Variants in IDE observed in about 807,000 individuals in gnomAD.
IDE encodes insulin degrading enzyme, also known as insulin-degrading enzyme.
In IDE, 58 loss-of-function variants were observed where a neutral mutation model predicts 133.2. That is an observed-to-expected ratio of 0.44 (90% CI 0.35 to 0.54). The LOEUF (loss-of-function observed/expected upper bound fraction) is 0.54. IDE is among the 20% of genes least tolerant of loss of function. The probability of loss-of-function intolerance (pLI) is 0.00; values close to 1 mark genes in which losing one functional copy is unlikely to be tolerated. For synonymous variants in IDE, 396 were observed against 421.3 expected (o/e 0.94, Z 0.73); for missense variants, 981 against 1,234.0 (o/e 0.79, Z 3.07).
At chr10:92,518,269 AT>A (rs1287584191) in intron 4 of IDE, among the ~76,000 whole-genome samples, 1 of 152,040 alleles carries the variant, frequency 6.6e-6, no homozygotes, top group African/African-American at 2.4e-5. Flanking sequence ...GATTCAATTG[AT>A]TCTCCTGGGG....
At chr10:92,531,534 T>A (rs1849924313) in intron 4 of IDE, among the ~76,000 whole-genome samples, 1 of 152,220 alleles carries the variant, frequency 6.6e-6, no homozygotes, top group South Asian at 2.1e-4. Context: ...ACTGCTCTGC[T>A]CCTTAAACGT....
intron 11 of IDE, among the ~76,000 whole-genome samples, chr10:92,499,561 T>G (rs991536041): frequency 2.6e-5 from 4 of 152,004 alleles, no homozygotes; most frequent in Admixed American, 2.6e-4. Flanking sequence ...GCCTCCTGAG[T>G]AGCTGGGACT....
intron 1 of IDE, among the ~76,000 whole-genome samples, chr10:92,563,244 T>A (rs12776190): frequency 0.17 from 24,953 of 149,530 alleles, 2,414 homozygotes; most frequent in Middle Eastern, 0.21. Context: ...AGAGCAAAAC[T>A]CCACCTCGGG....
At chr10:92,505,827 T>C (rs963767409) in intron 10 of IDE, among the ~76,000 whole-genome samples, 2 of 152,032 alleles carry the variant, frequency 1.3e-5, no homozygotes, top group Non-Finnish European at 2.9e-5. Context: ...GCCAGTACAG[T>C]TGGAGTGGAA....
At chr10:92,540,096 A>G (rs947491250) in intron 1 of IDE, among the ~76,000 whole-genome samples, 11 of 152,084 alleles carry the variant, frequency 7.2e-5, no homozygotes, top group Non-Finnish European at 1.6e-4. Flanking sequence ...ACAAGAAATT[A>G]GCTGGACATG....
chr10:92,556,205 G>GAA (rs1161079517), intron 1 of IDE, among the ~76,000 whole-genome samples: 1 of 129,928 alleles, frequency 7.7e-6, no homozygotes, highest in African/African-American at 2.8e-5. Context: ...AAAAAAGAAA[G>GAA]AAAAAAGTAA....
intron 1 of IDE, among the ~76,000 whole-genome samples, chr10:92,557,660 T>C (rs1157530308): frequency 1.3e-5 from 2 of 152,028 alleles, no homozygotes; most frequent in Non-Finnish European, 2.9e-5. Context: ...GAGGCCAAGG[T>C]AGGCAGATCA....
chr10:92,536,624 G>T (rs1264838026), intron 2 of IDE, among the ~76,000 whole-genome samples: 10 of 151,094 alleles, frequency 6.6e-5, no homozygotes, highest in African/African-American at 2.4e-4. Flanking sequence ...CTTGAACCCG[G>T]GAGGTGGAGG....
At chr10:92,456,238 T>C in intron 23 of IDE, 121 bp downstream of exon 23, 2 of 735,834 alleles carry the variant, frequency 2.7e-6, no homozygotes, top group East Asian at 5.2e-5. Context: ...GCAGACCTTA[T>C]CTCCAGTTTC....
At chr10:92,490,628 G>A in intron 11 of IDE, 33 bp from the exon 12 acceptor site, 1 of 1,249,374 alleles carries the variant, frequency 8.0e-7, no homozygotes, top group Non-Finnish European at 1.2e-6. Flanking sequence ...AAAAAACCCT[G>A]TAAACTCATA....
intron 13 of IDE, among the ~76,000 whole-genome samples, chr10:92,485,675 G>A (rs1846949762): frequency 6.6e-6 from 1 of 152,166 alleles, no homozygotes; most frequent in Non-Finnish European, 1.5e-5. Context: ...GGATATGGTA[G>A]CTCACACCTA....
intron 1 of IDE, among the ~76,000 whole-genome samples, chr10:92,542,233 T>C (rs1232485727): frequency 6.6e-6 from 1 of 152,188 alleles, no homozygotes; most frequent in Non-Finnish European, 1.5e-5. Flanking sequence ...TGGTTCACTA[T>C]AGCCTCAACA....
intron 19 of IDE, among the ~76,000 whole-genome samples, chr10:92,466,230 C>CAA (rs59698259): frequency 3.9e-4 from 27 of 69,930 alleles, no homozygotes; most frequent in Non-Finnish European, 5.1e-4. Flanking sequence ...GACCCTGTCT[C>CAA]AAAAAAAAAA....
chr10:92,509,152 T>TA (rs1266777744), intron 6 of IDE, among the ~76,000 whole-genome samples: 1 of 152,182 alleles, frequency 6.6e-6, no homozygotes, highest in Non-Finnish European at 1.5e-5. Flanking sequence ...TATCTTCAGG[T>TA]ACAGGTTAAC....
At chr10:92,470,217 T>C (rs1162836932) in intron 18 of IDE, 37 bp downstream of exon 18, 2 of 1,351,990 alleles carry the variant, frequency 1.5e-6, no homozygotes, top group Non-Finnish European at 1.0e-6. Context: ...TATCTTGCAA[T>C]GATCCACAAA....
intron 1 of IDE, chr10:92,573,006 C>A (rs1327773913): frequency 7.1e-6 from 7 of 985,198 alleles, no homozygotes; most frequent in Non-Finnish European, 8.4e-6. Flanking sequence ...ATAGAGGGTC[C>A]AGCACAGTGC....
chr10:92,531,681 A>G, intron 4 of IDE, 67 bp downstream of exon 4: 2 of 705,576 alleles, frequency 2.8e-6, no homozygotes, highest in Non-Finnish European at 4.1e-6. Flanking sequence ...TTATATATAC[A>G]TAAAATATAA....
At chr10:92,476,754 A>G (rs1164237666) in intron 15 of IDE, among the ~76,000 whole-genome samples, 2 of 152,240 alleles carry the variant, frequency 1.3e-5, no homozygotes, top group South Asian at 2.1e-4. Context: ...TCTTTTTATA[A>G]AATTAATTGT....
At chr10:92,532,375 AC>A (rs1849986374) in intron 3 of IDE, among the ~76,000 whole-genome samples, 1 of 152,036 alleles carries the variant, frequency 6.6e-6, no homozygotes, top group Non-Finnish European at 1.5e-5. Flanking sequence ...GCACCTTAGG[AC>A]AAACAAGTGA....
Sources: allele counts gnomAD v4.1 joint callset (sites outside exome capture counted in the v4.1 genomes callset), GRCh38; gene constraint gnomAD v4.1.1; transcripts MANE v1.5; gene names NCBI Gene and HGNC (gene_info 2026-07-23, HGNC 2026-07-21).